The following MAPK6 variants were observed in gnomAD, a reference collection of about 807,000 sequenced individuals.
MAPK6 encodes ERK-3.
Under a neutral mutation model 59.3 loss-of-function variants are expected in MAPK6, and 19 were observed. The ratio of observed to expected loss-of-function variants is 0.32; its 90% CI spans 0.22 to 0.47. The LOEUF (loss-of-function observed/expected upper bound fraction) is 0.47. MAPK6 is among the 20% of genes least tolerant of loss of function. The pLI, the probability that MAPK6 is intolerant of heterozygous loss-of-function variation, is 1.00. For missense variants in MAPK6, 724 were observed against 847.9 expected, an observed-to-expected ratio of 0.85 and a Z score of 1.81; for synonymous variants, 316 against 290.3, an observed-to-expected ratio of 1.09 and a Z score of -0.90.
chr15:52,047,120 T>C (rs372256056), intron 2 of MAPK6, 105 bp downstream of exon 2: 37 of 819,724 alleles, frequency 4.5e-5, no homozygotes, highest in African/African-American at 3.2e-4. Context: ...TTTAATCTTA[T>C]TAAACTTTAC....
chr15:52,036,060 G>C (rs1483413967), intron 1 of MAPK6, among the ~76,000 whole-genome samples: 1 of 152,130 alleles, frequency 6.6e-6, no homozygotes, highest in Non-Finnish European at 1.5e-5. Context: ...TTGAGAGCTG[G>C]AAGAGACCAT....
intron 5 of MAPK6, among the ~76,000 whole-genome samples, chr15:52,063,461 T>G (rs988364262): frequency 6.6e-6 from 1 of 152,224 alleles, no homozygotes; most frequent in Non-Finnish European, 1.5e-5. Context: ...CAGCAGCACG[T>G]ATACACAGGG....
intron 1 of MAPK6, among the ~76,000 whole-genome samples, chr15:51,972,930 G>A (rs748353853): frequency 6.6e-6 from 1 of 151,772 alleles, no homozygotes; most frequent in Admixed American, 6.6e-5. Context: ...GATCACTTGA[G>A]CCCAGGAGTT....
chr15:52,023,142 A>T (rs1483126432), intron 1 of MAPK6, among the ~76,000 whole-genome samples: 2 of 151,190 alleles, frequency 1.3e-5, no homozygotes, highest in African/African-American at 4.9e-5. Context: ...AAAAACAAAC[A>T]AAATAACTGG....
At chr15:52,044,869 C>G (rs1231460757) in intron 1 of MAPK6, among the ~76,000 whole-genome samples, 3 of 149,804 alleles carry the variant, frequency 2.0e-5, no homozygotes, top group East Asian at 3.9e-4. Context: ...ATTCTGGTCT[C>G]TTTCCTTAAT....
intron 1 of MAPK6, among the ~76,000 whole-genome samples, chr15:51,981,519 A>AG (rs1264222705): frequency 6.6e-6 from 1 of 152,172 alleles, no homozygotes; most frequent in African/African-American, 2.4e-5. Flanking sequence ...ACTTATGTGA[A>AG]GAAAAAAAGA....
At chr15:52,015,436 C>T (rs1032376344), upstream of MAPK6, among the ~76,000 whole-genome samples, 8 of 151,924 alleles carry the variant, frequency 5.3e-5, no homozygotes, top group East Asian at 1.9e-4. Flanking sequence ...CCTGAGCCAC[C>T]GCATCTGGCC....
intron 5 of MAPK6, among the ~76,000 whole-genome samples, chr15:52,061,978 G>T (rs1465512104): frequency 6.6e-6 from 1 of 151,394 alleles, no homozygotes; most frequent in Admixed American, 6.6e-5. Flanking sequence ...TAGATGACAA[G>T]ACTCAGTCAT....
upstream of MAPK6, among the ~76,000 whole-genome samples, chr15:52,016,107 C>CACACACAAA (rs1267339787): frequency 1.5e-4 from 21 of 136,298 alleles, no homozygotes; most frequent in Non-Finnish European, 2.8e-4. Context: ...CACACACACA[C>CACACACAAA]AAACTAAAAC....
chr15:52,041,499 A>G (rs922614020), intron 1 of MAPK6, among the ~76,000 whole-genome samples: 1 of 152,180 alleles, frequency 6.6e-6, no homozygotes, highest in Admixed American at 6.5e-5. Flanking sequence ...CCCGGCCTTA[A>G]CTTTGCCTTT....
chr15:52,023,942 C>T (rs1241065493), intron 1 of MAPK6, among the ~76,000 whole-genome samples: 2 of 152,192 alleles, frequency 1.3e-5, no homozygotes, highest in East Asian at 3.9e-4. Context: ...GTCTTTTATA[C>T]ATGTCAGTCT....
At chr15:52,052,230 C>T (rs1302905885) in intron 3 of MAPK6, among the ~76,000 whole-genome samples, 1 of 152,154 alleles carries the variant, frequency 6.6e-6, no homozygotes, top group Non-Finnish European at 1.5e-5. Context: ...GCAGGAGGAT[C>T]CACTTCTAGA....
chr15:52,034,154 T>G (rs1340949626), intron 1 of MAPK6: 1 of 151,336 alleles, frequency 6.6e-6, no homozygotes, highest in East Asian at 1.9e-4. Context: ...CCCAACTAAT[T>G]TTGTATTTTT....
At chr15:51,978,215 C>T (rs1291575268) in intron 1 of MAPK6, among the ~76,000 whole-genome samples, 2 of 151,732 alleles carry the variant, frequency 1.3e-5, no homozygotes, top group African/African-American at 4.8e-5. Context: ...TCACTGCAGC[C>T]TCCGTCTCCT....
intron 3 of MAPK6, among the ~76,000 whole-genome samples, chr15:52,010,631 G>A (rs1018526785): frequency 1.3e-5 from 2 of 149,118 alleles, no homozygotes; most frequent in African/African-American, 2.5e-5. Flanking sequence ...CGATTCTCCT[G>A]CCTCAGCCTC....
chr15:52,054,512 G>A (rs192685012), intron 3 of MAPK6, among the ~76,000 whole-genome samples: 2 of 152,190 alleles, frequency 1.3e-5, no homozygotes, highest in East Asian at 1.9e-4. Flanking sequence ...GACCACACAT[G>A]TAAAATATCT....
chr15:52,054,236 C>T (rs553571846), intron 3 of MAPK6, among the ~76,000 whole-genome samples: 17 of 151,708 alleles, frequency 1.1e-4, no homozygotes, highest in African/African-American at 2.2e-4. Context: ...GGCATGGTGG[C>T]GCGCACCTAC....
chr15:52,031,345 A>C (rs2031025881), intron 1 of MAPK6, among the ~76,000 whole-genome samples: 1 of 152,190 alleles, frequency 6.6e-6, no homozygotes, highest in East Asian at 1.9e-4. Context: ...GAGATAATGG[A>C]ATTTGGTTTA....
At chr15:52,016,074 A>ACGCG (rs1566899886), upstream of MAPK6, among the ~76,000 whole-genome samples, 1 of 78,888 alleles carries the variant, frequency 1.3e-5, no homozygotes, top group African/African-American at 5.1e-5. Flanking sequence ...GCGCGCGCAC[A>ACGCG]CACACACACA....
Sources: allele counts gnomAD v4.1 joint callset (sites outside exome capture counted in the v4.1 genomes callset), GRCh38; gene constraint gnomAD v4.1.1; transcripts MANE v1.5; gene names NCBI Gene and HGNC (gene_info 2026-07-23, HGNC 2026-07-21).